Variants in EYA2 observed in about 807,000 individuals in gnomAD.
EYA2 encodes EYA transcriptional coactivator and phosphatase 2.
In EYA2, 31 loss-of-function variants were observed where a neutral mutation model predicts 69.2. The observed-to-expected ratio is 0.45, with a 90% confidence interval of 0.34 to 0.60. EYA2 has a LOEUF of 0.60. EYA2 is among the 20% of genes least tolerant of loss of function. EYA2 has a pLI of 0.02. For missense variants in EYA2, 622 were observed against 701.2 expected, an observed-to-expected ratio of 0.89 and a Z score of 1.28; for synonymous variants, 257 against 279.4, an observed-to-expected ratio of 0.92 and a Z score of 0.80.
At chr20:47,122,034 A>G (rs1018095526) in intron 9 of EYA2, among the ~76,000 whole-genome samples, 1 of 152,166 alleles carries the variant, frequency 6.6e-6, no homozygotes, top group Non-Finnish European at 1.5e-5. Flanking sequence ...TAAAATCAGG[A>G]TATTTCACAT....
chr20:46,987,964 C>CTCTCTCTCTCTCTCTATATATA (rs1555809797), intron 1 of EYA2, among the ~76,000 whole-genome samples: 2 of 11,280 alleles, frequency 1.8e-4, no homozygotes, highest in African/African-American at 5.5e-4. Context: ...CTCTCTCTCT[C>CTCTCTCTCTCTCTCTATATATA]TATATATATA....
chr20:47,106,222 G>A lies in EYA2; in HGVS notation c.888+9054G>A, dbSNP rs186676000. The stretch of plus-strand genomic sequence containing the variant: ...TTTTCCTCTTGCCTCAGGCCCTGTG[G>A]CTTGGCCTGGAATGGCAAGCACCAG... On this transcript the variant is annotated intron_variant, in intron 9 of 15. Transcript: ENST00000327619. Among the ~76,000 whole-genome samples the A allele has an allele frequency of 8.5e-5, 13 of 152,288 alleles. No homozygotes were observed. In the East Asian group the frequency reaches 2.5e-3, roughly 29 times the overall value.
chr20:46,988,497 G>A (rs1166693098), intron 1 of EYA2, among the ~76,000 whole-genome samples: 1 of 152,116 alleles, frequency 6.6e-6, no homozygotes, highest in African/African-American at 2.4e-5. Context: ...TCGCTACGTT[G>A]TGTTTCATTA....
At chr20:46,969,781 A>C (rs991182470) in intron 1 of EYA2, among the ~76,000 whole-genome samples, 2 of 152,116 alleles carry the variant, frequency 1.3e-5, no homozygotes, top group Admixed American at 1.3e-4. Flanking sequence ...TTCTGGCTGG[A>C]TGTTAAACCT....
intron 5 of EYA2, among the ~76,000 whole-genome samples, chr20:47,047,110 G>A (rs950580391): frequency 4.6e-5 from 7 of 152,116 alleles, no homozygotes; most frequent in Non-Finnish European, 8.8e-5. Flanking sequence ...AAATGTTGTA[G>A]TGCATCCCCA....
At chr20:47,109,670 A>T (rs1467746066) in intron 9 of EYA2, among the ~76,000 whole-genome samples, 1 of 152,124 alleles carries the variant, frequency 6.6e-6, no homozygotes, top group Non-Finnish European at 1.5e-5. Flanking sequence ...AGCATGAGGC[A>T]CCACACCCTG....
chr20:47,090,561 T>C (rs563782820), intron 8 of EYA2, among the ~76,000 whole-genome samples: 1 of 151,616 alleles, frequency 6.6e-6, no homozygotes, highest in Non-Finnish European at 1.5e-5. Context: ...TAATCAGGTA[T>C]ACATGAGGTT....
At chr20:47,129,132 GAAAAT>G (rs1233875692) in intron 9 of EYA2, among the ~76,000 whole-genome samples, 1 of 152,034 alleles carries the variant, frequency 6.6e-6, no homozygotes, top group Non-Finnish European at 1.5e-5. Context: ...CTCAAAAAAA[GAAAAT>G]AAATTAACCA....
chr20:47,167,604 T>C (rs1236504971), intron 10 of EYA2, among the ~76,000 whole-genome samples: 2 of 152,082 alleles, frequency 1.3e-5, no homozygotes, highest in African/African-American at 4.8e-5. Flanking sequence ...TTGTTTGTTT[T>C]AGTTTTTCTT....
At chr20:47,117,252 C>T (rs1275448982) in intron 9 of EYA2, among the ~76,000 whole-genome samples, 2 of 152,164 alleles carry the variant, frequency 1.3e-5, no homozygotes, top group Admixed American at 6.5e-5. Flanking sequence ...TCAAATGATC[C>T]GCCCGCCTGG....
At chr20:47,153,910 G>T (rs1050941019) in intron 10 of EYA2, among the ~76,000 whole-genome samples, 3 of 152,030 alleles carry the variant, frequency 2.0e-5, no homozygotes, top group African/African-American at 2.4e-5. Flanking sequence ...GTCTGAACCA[G>T]ATCTCAATAA....
chr20:47,070,548 C>T (rs2031276780), intron 5 of EYA2, among the ~76,000 whole-genome samples: 1 of 152,134 alleles, frequency 6.6e-6, no homozygotes, highest in African/African-American at 2.4e-5. Context: ...GGGATTTACC[C>T]AAGAGAAATG....
intron 9 of EYA2, chr20:47,117,444 T>A: frequency 8.1e-6 from 8 of 985,302 alleles, no homozygotes; most frequent in Non-Finnish European, 9.6e-6. Flanking sequence ...CATGACCTGA[T>A]CTCCACAGCT....
chr20:46,967,349 G>A (rs1169275762), intron 1 of EYA2, among the ~76,000 whole-genome samples: 2 of 152,160 alleles, frequency 1.3e-5, no homozygotes, highest in East Asian at 3.9e-4. Context: ...TGTGGCTCAT[G>A]GCTACTGATT....
chr20:46,900,967 CA>C lies in EYA2; in HGVS notation c.-11+5983del, dbSNP rs532050048. ...CATAAATAAGCCCTATGAAGGTCACCAAACAGGGTGAAAACCACTAGTTCTC... is the reference window on the plus strand; with the variant it reads ...CATAAATAAGCCCTATGAAGGTCACCAACAGGGTGAAAACCACTAGTTCTC... On this transcript the variant is annotated intron_variant, in intron 1 of 15. Transcript: ENST00000327619. 1.2e-3 allele frequency among the ~76,000 whole-genome samples: 181 copies of C among 152,308 alleles called. 1 individual carries two copies. Among genetic ancestry groups the C allele is most frequent in the African/African-American group, 3.9e-3 (164 of 41,558 alleles).
chr20:47,085,716 C>G (rs1185798227), intron 7 of EYA2, among the ~76,000 whole-genome samples: 1 of 151,800 alleles, frequency 6.6e-6, no homozygotes, highest in Non-Finnish European at 1.5e-5. Flanking sequence ...AGCAATTATG[C>G]TGACCAAAAC....
At chr20:47,026,017 A>G (rs1984060921) in intron 5 of EYA2, among the ~76,000 whole-genome samples, 1 of 152,268 alleles carries the variant, frequency 6.6e-6, no homozygotes, top group Non-Finnish European at 1.5e-5. Flanking sequence ...AAGAAAAGCA[A>G]TTAAGTACTA....
chr20:47,045,462 G>T (rs185528037), intron 5 of EYA2, among the ~76,000 whole-genome samples: 18 of 152,338 alleles, frequency 1.2e-4, no homozygotes, highest in African/African-American at 3.4e-4. Context: ...AAGGAGAGGG[G>T]AAGATGTGGG....
At chr20:47,150,223 G>A (rs918979504) in intron 10 of EYA2, among the ~76,000 whole-genome samples, 6 of 152,094 alleles carry the variant, frequency 3.9e-5, no homozygotes, top group Admixed American at 6.5e-5. Context: ...GCCCCTGTCC[G>A]CTTCTCTTCA....
Sources: gnomAD v4.1 joint callset for allele counts (sites outside exome capture counted in the v4.1 genomes callset) on GRCh38, gnomAD v4.1.1 for gene constraint, MANE v1.5 for transcripts, NCBI Gene and HGNC (gene_info 2026-07-23, HGNC 2026-07-21) for gene names.